CEACAM3: variants seen among roughly 807,000 people sequenced by gnomAD.
The protein encoded by CEACAM3 is CEA cell adhesion molecule 3, also known as cell adhesion molecule CEACAM3.
Under a neutral mutation model 30.1 loss-of-function variants are expected in CEACAM3, and 32 were observed. That is an observed-to-expected ratio of 1.06 (90% CI 0.80 to 1.43). CEACAM3 has a LOEUF of 1.43. Among genes scored for constraint, CEACAM3 ranks in the 40% most tolerant of loss-of-function variants. CEACAM3 has a pLI of 0.00. For missense variants in CEACAM3, 290 were observed against 316.3 expected (o/e 0.92, Z 0.63); for synonymous variants, 134 against 127.2 (o/e 1.05, Z -0.36).
Position 41,811,311 on chromosome 19 carries a change from A to T in CEACAM3, c.*74A>T, listed in dbSNP as rs2073248899. 7.7e-7 allele frequency: 1 copy of T among 1,296,204 alleles called. No individual in the cohort carries two copies. The highest frequency in any genetic ancestry group is 1.1e-6 in the Non-Finnish European group (1 of 895,924). 80.3% of individuals were successfully genotyped at this position (1,296,204 alleles called of 1,614,324 possible). A position where few individuals can be genotyped will look rare whatever the true frequency, so the allele number is the denominator to read the frequency against. On this transcript the variant is annotated 3_prime_UTR_variant, in exon 7 of 7. Transcript: ENST00000357396. ...CCCAGCCCTGGGGATGGGGAAGGAC[A>T]TGAAGCCTGAGCCAGAGAACCAGCT...
chr19:41,805,336 G>C (rs1316518308), intron 2 of CEACAM3, among the ~76,000 whole-genome samples: 1 of 146,150 alleles, frequency 6.8e-6, no homozygotes, highest in East Asian at 2.0e-4. Flanking sequence ...TTGTCACCCA[G>C]GCTGGAGTGC....
chr19:41,799,977 G>A (rs1247296680), intron 2 of CEACAM3, among the ~76,000 whole-genome samples: 2 of 152,076 alleles, frequency 1.3e-5, no homozygotes, highest in East Asian at 3.8e-4. Flanking sequence ...GGTCTCCCTG[G>A]TCCTGGTTTG....
At chr19:41,810,755 A>G in intron 5 of CEACAM3, 77 bp from the exon 6 acceptor site, 1 of 1,294,510 alleles carries the variant, frequency 7.7e-7, no homozygotes, top group South Asian at 1.2e-5. Context: ...AAGTAAACAC[A>G]GAGAAGTAAA....
intron 2 of CEACAM3, among the ~76,000 whole-genome samples, chr19:41,806,185 A>G (rs1352602723): frequency 1.3e-5 from 2 of 151,862 alleles, no homozygotes; most frequent in African/African-American, 4.8e-5. Flanking sequence ...GCTCCACCAC[A>G]CCCAGCTAAT....
chr19:41,809,183 C>A, intron 3 of CEACAM3: 2 of 168,184 alleles, frequency 1.2e-5, no homozygotes, highest in Non-Finnish European at 1.3e-5. Flanking sequence ...CCTCACACAG[C>A]AAAGCCACAG....
rs200838216 is a variant in CEACAM3, at chr19:41,808,892, C to T, written c.504C>T (p.Ala168=). 3.0e-5 allele frequency: 49 copies of T among 1,606,982 alleles called. No individual in the cohort carries two copies. Among genetic ancestry groups the T allele is most frequent in the South Asian group, 1.9e-4 (17 of 90,472 alleles). ...TGVLVGVALV[A]ALVCFLLLAK... is the part of the protein sequence containing the mutation. ...TCCTGGTCGGAGTGGCGCTGGTGGC[C>T]GCGCTGGTGTGTTTCCTGCTCCTTG... The change falls in exon 3 of 7, where the codon GCC becomes GCT. Residue 168 remains alanine (A), a synonymous_variant. Coordinates refer to ENST00000357396, the MANE Select transcript of CEACAM3 (RefSeq NM_001815.5).
At chr19:41,803,713 G>GGTCAGT (rs2073174793) in intron 2 of CEACAM3, among the ~76,000 whole-genome samples, 1 of 105,556 alleles carries the variant, frequency 9.5e-6, no homozygotes, top group Non-Finnish European at 2.3e-5. Context: ...TGATCTGCCC[G>GGTCAGT]CCTTGGCCTC....
chr19:41,807,798 T>TC (rs1343538893), intron 2 of CEACAM3, among the ~76,000 whole-genome samples: 15 of 151,562 alleles, frequency 9.9e-5, no homozygotes, highest in Non-Finnish European at 1.6e-4. Flanking sequence ...TCCCACCATT[T>TC]CCCCCCCAGA....
chr19:41,810,816 C>A lies in CEACAM3; in HGVS notation c.628-16C>A. The A allele has an allele frequency of 1.9e-6, 3 of 1,607,824 alleles. No homozygotes were observed. Among genetic ancestry groups the A allele is most frequent in the Non-Finnish European group, 1.7e-6 (2 of 1,174,778 alleles). ...TTCCAGGCTGGGCCTCCATGACCCTCCCTCCCTGTCCACAGATGTCCCCTC... is the reference window on the plus strand; with the variant it reads ...TTCCAGGCTGGGCCTCCATGACCCTACCTCCCTGTCCACAGATGTCCCCTC... On this transcript the variant is annotated splice_polypyrimidine_tract_variant and intron_variant, in intron 5 of 6. Coordinates refer to ENST00000357396, the MANE Select transcript of CEACAM3 (RefSeq NM_001815.5).
intron 2 of CEACAM3, among the ~76,000 whole-genome samples, chr19:41,798,532 G>T (rs2073122232): frequency 6.6e-6 from 1 of 152,226 alleles, no homozygotes; most frequent in Non-Finnish European, 1.5e-5. Flanking sequence ...GGCAAGGACA[G>T]GGCCTCATCC....
At chr19:41,801,746 G>C (rs1216779921) in intron 2 of CEACAM3, among the ~76,000 whole-genome samples, 1 of 152,126 alleles carries the variant, frequency 6.6e-6, no homozygotes, top group Non-Finnish European at 1.5e-5. Context: ...TGAATCATGG[G>C]TCACAGTCCA....
intron 2 of CEACAM3, chr19:41,807,202 C>T: frequency 1.2e-6 from 2 of 1,609,876 alleles, no homozygotes; most frequent in Non-Finnish European, 1.7e-6. Flanking sequence ...CTGAGATTCA[C>T]AGCACAACCT....
intron 2 of CEACAM3, among the ~76,000 whole-genome samples, chr19:41,808,219 C>T (rs1476265882): frequency 1.3e-5 from 2 of 152,202 alleles, no homozygotes; most frequent in South Asian, 4.1e-4. Context: ...CACAGCTGAC[C>T]TTGGGGCCAG....
intron 2 of CEACAM3, among the ~76,000 whole-genome samples, chr19:41,805,259 A>ACTCTG (rs1326561209): frequency 1.5e-4 from 19 of 129,410 alleles, no homozygotes; most frequent in African/African-American, 5.7e-4. Flanking sequence ...GGAAATCACC[A>ACTCTG]CTCTGCTCTT....
At chr19:41,797,278 G>C (rs1187329453) in intron 1 of CEACAM3, 1 of 361,284 alleles carries the variant, frequency 2.8e-6, no homozygotes, top group African/African-American at 2.0e-5. Flanking sequence ...AAAAAGGTCA[G>C]AAAGGGAAGA....
intron 2 of CEACAM3, chr19:41,807,404 T>A: frequency 1.3e-6 from 1 of 768,724 alleles, no homozygotes; most frequent in Non-Finnish European, 1.7e-6. Flanking sequence ...CTTCTGTTCC[T>A]CTGTGGCCCA....
chr19:41,807,211 C>G (rs1555826904), intron 2 of CEACAM3: 1 of 1,609,798 alleles, frequency 6.2e-7, no homozygotes, highest in Admixed American at 1.7e-5. Flanking sequence ...ACAGCACAAC[C>G]TGCCTGTAGT....
chr19:41,806,749 C>T (rs557347304), intron 2 of CEACAM3, among the ~76,000 whole-genome samples: 2 of 152,004 alleles, frequency 1.3e-5, no homozygotes, highest in South Asian at 2.1e-4. Flanking sequence ...TGCAGTGGTG[C>T]GATCTCGGCT....
chr19:41,810,201 ATGGG>A, intron 4 of CEACAM3, 118 bp from the exon 5 acceptor site: 1 of 1,379,452 alleles, frequency 7.2e-7, no homozygotes, highest in Non-Finnish European at 1.0e-6. Context: ...GCTCTGGGTC[ATGGG>A]TCACCTCCCC....
Sources: allele counts gnomAD v4.1 joint callset (sites outside exome capture counted in the v4.1 genomes callset), GRCh38; gene constraint gnomAD v4.1.1; transcripts MANE v1.5; gene names NCBI Gene and HGNC (gene_info 2026-07-23, HGNC 2026-07-21).